The following TJP1 variants were observed in gnomAD, a reference collection of about 807,000 sequenced individuals.
TJP1 encodes tight junction protein 1.
In TJP1, 43 loss-of-function variants were observed where a neutral mutation model predicts 194.2. The observed-to-expected ratio is 0.22, with a 90% CI of 0.17 to 0.29. TJP1 has a LOEUF of 0.29. Among genes scored for constraint, TJP1 ranks in the 10% least tolerant of loss-of-function variants. The pLI is 1.00. For synonymous variants in TJP1, 801 were observed against 779.0 expected, an observed-to-expected ratio of 1.03 and a Z score of -0.47; for missense variants, 1,971 against 2,185.7, an observed-to-expected ratio of 0.90 and a Z score of 1.96.
At chr15:29,709,059 TA>T in intron 24 of TJP1, 23 bp from the exon 25 acceptor site, 2 of 1,585,358 alleles carry the variant, frequency 1.3e-6, no homozygotes, top group Non-Finnish European at 1.7e-6. Context: ...CGTAAGCATT[TA>T]AATAACTTTC....
At chr15:29,910,806 T>G (rs1020121923) in intron 2 of TJP1, among the ~76,000 whole-genome samples, 1 of 152,198 alleles carries the variant, frequency 6.6e-6, no homozygotes, top group Admixed American at 6.5e-5. Context: ...TCCCAACTTA[T>G]ACACGGATTC....
chr15:29,914,457 CA>C (rs1321400178), intron 2 of TJP1, among the ~76,000 whole-genome samples: 1 of 152,090 alleles, frequency 6.6e-6, no homozygotes, highest in African/African-American at 2.4e-5. Context: ...TTTTGTTCAA[CA>C]AATCTGTATT....
intron 18 of TJP1, among the ~76,000 whole-genome samples, chr15:29,723,388 C>T (rs1276254441): frequency 6.6e-6 from 1 of 152,082 alleles, no homozygotes; most frequent in Non-Finnish European, 1.5e-5. Flanking sequence ...TGTAGTACTC[C>T]CCCCTTCTCT....
chr15:29,947,995 G>A (rs540794620), intron 2 of TJP1, among the ~76,000 whole-genome samples: 21 of 152,254 alleles, frequency 1.4e-4, no homozygotes, highest in Non-Finnish European at 2.2e-4. Context: ...GGGTGGGCAC[G>A]GTGGCTCACA....
intron 2 of TJP1, among the ~76,000 whole-genome samples, chr15:29,914,861 C>T (rs1414676740): frequency 7.2e-6 from 1 of 138,356 alleles, no homozygotes; most frequent in Non-Finnish European, 1.5e-5. Context: ...AACACACACA[C>T]ATACACACAC....
chr15:29,943,536 G>A (rs568394768), intron 2 of TJP1, among the ~76,000 whole-genome samples: 1 of 148,444 alleles, frequency 6.7e-6, no homozygotes, highest in East Asian at 2.0e-4. Flanking sequence ...GCTGAGGCAG[G>A]AGAATTGCTG....
chr15:29,780,875 CA>C (rs2047328694), intron 2 of TJP1, among the ~76,000 whole-genome samples: 1 of 151,898 alleles, frequency 6.6e-6, no homozygotes, highest in South Asian at 2.1e-4. Flanking sequence ...ATTAAATCAA[CA>C]ATACATACGA....
At chr15:29,881,267 T>C (rs985966006) in intron 2 of TJP1, among the ~76,000 whole-genome samples, 1 of 152,236 alleles carries the variant, frequency 6.6e-6, no homozygotes, top group African/African-American at 2.4e-5. Flanking sequence ...TCTGTTCAAG[T>C]CCTTTGCCCG....
intron 2 of TJP1, among the ~76,000 whole-genome samples, chr15:29,795,087 A>G (rs1169800627): frequency 6.6e-6 from 1 of 152,204 alleles, no homozygotes; most frequent in Non-Finnish European, 1.5e-5. Flanking sequence ...TGTTATACTC[A>G]TAATTTTAAC....
chr15:29,794,407 G>T (rs1159435864), intron 2 of TJP1, among the ~76,000 whole-genome samples: 1 of 152,040 alleles, frequency 6.6e-6, no homozygotes. Context: ...AAATAACTGA[G>T]GCACAGAAAG....
At position 29,822,398 on chromosome 15, in the gene TJP1, C is replaced by T. The variant is rs1567104080; in HGVS notation, c.-370G>A. The T allele has an allele frequency of 7.0e-6, 7 of 1,001,352 alleles. No homozygotes were observed. The highest frequency in any genetic ancestry group is 8.3e-6 in the Non-Finnish European group (7 of 840,342). The allele number at this position is 1,001,352 out of a possible 1,614,324, so 62.0% of individuals were successfully genotyped here. On this transcript the variant is annotated 5_prime_UTR_variant, in exon 1 of 28. Coordinates refer to ENST00000614355, the MANE Select transcript of TJP1 (RefSeq NM_001330239.4). ...GGAAGCCGGCTTCGCCACGTAACTT[C>T]CCGGGAACCGGCGGCCGCCAAGGAA... is the stretch of plus-strand genomic sequence containing the variant.
intron 2 of TJP1, among the ~76,000 whole-genome samples, chr15:29,925,653 C>G (rs1344529726): frequency 2.6e-5 from 4 of 152,180 alleles, no homozygotes; most frequent in African/African-American, 9.7e-5. Context: ...ATGTGTCACA[C>G]TGAGTCAGCA....
intron 12 of TJP1, among the ~76,000 whole-genome samples, chr15:29,734,050 A>G (rs1221331596): frequency 6.6e-6 from 1 of 152,194 alleles, no homozygotes; most frequent in Middle Eastern, 3.2e-3. Context: ...TTTTATTTAA[A>G]TTAGAATACT....
chr15:29,767,311 T>G (rs963868781), intron 4 of TJP1, among the ~76,000 whole-genome samples: 9 of 152,226 alleles, frequency 5.9e-5, no homozygotes, highest in Non-Finnish European at 1.0e-4. Flanking sequence ...TAGTATACAC[T>G]TGACCTCACT....
At chr15:29,744,457 A>C (rs1302236416) in intron 8 of TJP1, among the ~76,000 whole-genome samples, 2 of 152,216 alleles carry the variant, frequency 1.3e-5, no homozygotes, top group Non-Finnish European at 2.9e-5. Flanking sequence ...AAATAAAACT[A>C]AATGTTCATT....
intron 1 of TJP1, among the ~76,000 whole-genome samples, chr15:29,802,136 A>T (rs527454196): frequency 7.9e-5 from 12 of 152,334 alleles, no homozygotes; most frequent in Non-Finnish European, 1.2e-4. Context: ...AAGTAAATTT[A>T]AAAAAGATTC....
chr15:29,776,020 G>A (rs2046994695), intron 2 of TJP1, among the ~76,000 whole-genome samples: 1 of 152,084 alleles, frequency 6.6e-6, no homozygotes, highest in Non-Finnish European at 1.5e-5. Flanking sequence ...ATCAAGGAAA[G>A]CTTCTAAATT....
rs1030747237 is a variant in TJP1 at position 29,918,555 on chromosome 15, C to T, written c.306+37677G>A. ...TCCCAGACCAGCCTGGGCAATGTGG[C>T]GAAACCCCATCATTACAAAAAATTA... On this transcript the variant is annotated intron_variant, in intron 2 of 28. Transcript: ENST00000356107. Among the ~76,000 whole-genome samples the T allele has an allele frequency of 5.9e-5, 9 of 151,862 alleles. No individual in the cohort carries two copies. In the South Asian group the frequency reaches 8.3e-4, roughly 14 times the overall value.
intron 1 of TJP1, chr15:29,967,998 G>T: frequency 3.2e-6 from 3 of 937,078 alleles, no homozygotes; most frequent in South Asian, 9.8e-5. Flanking sequence ...ATGGATTACG[G>T]ATTATTATTA....
Sources: gnomAD v4.1 joint callset for allele counts (sites outside exome capture counted in the v4.1 genomes callset) on GRCh38, gnomAD v4.1.1 for gene constraint, MANE v1.5 for transcripts, NCBI Gene and HGNC (gene_info 2026-07-23, HGNC 2026-07-21) for gene names.